The following ITGA1 variants were observed in gnomAD, a reference collection of about 807,000 sequenced individuals.
The protein encoded by ITGA1 is integrin alpha-1.
A neutral mutation model predicts 145.9 loss-of-function variants in ITGA1; 85 were observed. The observed-to-expected ratio is 0.58, with a 90% confidence interval of 0.49 to 0.70. The LOEUF is 0.70. Among genes scored for constraint, ITGA1 ranks in the 30% least tolerant of loss-of-function variants. ITGA1 has a pLI of 0.00. For synonymous variants in ITGA1, 520 were observed against 495.3 expected, an observed-to-expected ratio of 1.05 and a Z score of -0.66; for missense variants, 1,351 against 1,418.7, an observed-to-expected ratio of 0.95 and a Z score of 0.77.
chr5:52,881,564 G>A (rs542592702), intron 6 of ITGA1, among the ~76,000 whole-genome samples: 2 of 152,302 alleles, frequency 1.3e-5, no homozygotes, highest in Middle Eastern at 3.4e-3. Context: ...GCTCCATGAA[G>A]GCAGAGACCA....
chr5:52,951,100 C>T (rs1226829455), intron 28 of ITGA1, among the ~76,000 whole-genome samples: 1 of 152,072 alleles, frequency 6.6e-6, no homozygotes, highest in Non-Finnish European at 1.5e-5. Flanking sequence ...ATTTTCCAAC[C>T]TAAAAGTGCA....
rs559797960 is a variant in ITGA1, at chr5:52,828,449, G to A, written c.62-20916G>A. ...TATTATGTGCTTATTGGCCATTTGT[G>A]TAACTTATTTGGAGAAATCTCTATT... On this transcript the variant is annotated intron_variant, in intron 1 of 28. Coordinates refer to ENST00000282588, the MANE Select transcript of ITGA1 (RefSeq NM_181501.2). Among the ~76,000 whole-genome samples the A allele has an allele frequency of 1.1e-4, 17 of 152,134 alleles. No individual in the cohort carries two copies. In the Middle Eastern group the frequency reaches 0.017, roughly 152 times the overall value.
chr5:52,842,218 A>G (rs539127984), intron 1 of ITGA1, among the ~76,000 whole-genome samples: 6 of 152,298 alleles, frequency 3.9e-5, no homozygotes, highest in African/African-American at 1.2e-4. Flanking sequence ...AGCAACTGAG[A>G]TGAGAATCCA....
intron 1 of ITGA1, among the ~76,000 whole-genome samples, chr5:52,804,855 C>A (rs1023834926): frequency 2.0e-5 from 3 of 152,112 alleles, no homozygotes; most frequent in Non-Finnish European, 2.9e-5. Flanking sequence ...TGAAGAGTTT[C>A]TAAAGTGATT....
rs181108066 is a variant in ITGA1, at chr5:52,897,274, T to A, written c.1091-181T>A. Among the ~76,000 whole-genome samples the A allele has an allele frequency of 4.9e-3, 744 of 152,262 alleles. 8 individuals are homozygous for A. Among genetic ancestry groups the A allele is most frequent in the African/African-American group, 0.017 (694 of 41,550 alleles). ...TGAGCCCTTTGACTATTTTTCTCTG[T>A]CTTCTACCCAGGCCTACCTAGAAAT... On this transcript the variant is annotated intron_variant, in intron 9 of 28. Coordinates refer to ENST00000282588, the MANE Select transcript of ITGA1 (RefSeq NM_181501.2).
In ITGA1 at chr5:52,935,957, CTTTTTTTTTTTTTTTTTTTTT is replaced by C. The variant is rs763649629; in HGVS notation, c.2965-1428_2965-1408del. ...ATGGTAATTACAGAACACAGGATTT[CTTTTTTTTTTTTTTTTTTTTT>C]TTTTTTTTTTTTTTTGAGACGGAGT... On this transcript the variant is annotated intron_variant, in intron 23 of 28. Transcript: ENST00000282588. 7.3e-4 allele frequency among the ~76,000 whole-genome samples: 7 copies of C among 9,548 alleles called. 3 individuals carry two copies. Among genetic ancestry groups the C allele is most frequent in the Non-Finnish European group, 1.3e-3 (7 of 5,492 alleles). 6.3% of individuals were successfully genotyped at this position (9,548 alleles called of 152,430 possible).
intron 3 of ITGA1, among the ~76,000 whole-genome samples, chr5:52,864,191 A>G (rs1186098261): frequency 1.3e-5 from 2 of 152,142 alleles, no homozygotes; most frequent in Admixed American, 1.3e-4. Context: ...TCAGGACCCA[A>G]CATTCCCTTC....
chr5:52,932,963 C>T (rs1750913698), intron 22 of ITGA1: 1 of 150,138 alleles, frequency 6.7e-6, no homozygotes, highest in Non-Finnish European at 1.5e-5. Context: ...TAGTTTAAAC[C>T]ATTTCACATG....
chr5:52,809,029 A>T (rs10512998), intron 1 of ITGA1, among the ~76,000 whole-genome samples: 39,133 of 152,022 alleles, frequency 0.26, 5,370 homozygotes, highest in Non-Finnish European at 0.3. Context: ...TCAAATTATC[A>T]TCTTGTGGCA....
At chr5:52,856,996 T>C (rs187481326) in intron 2 of ITGA1, among the ~76,000 whole-genome samples, 1 of 152,300 alleles carries the variant, frequency 6.6e-6, no homozygotes, top group Non-Finnish European at 1.5e-5. Context: ...TAAGCAACAC[T>C]GGGCTTCTTC....
chr5:52,858,302 A>G lies in ITGA1; in HGVS notation c.183-3145A>G, dbSNP rs990479114. Reference sequence around the variant, plus strand: ...AACATTCATGATCTGGACTCTTTTTACCTCTCTAGCCTCAACTTCTACTGC... The same window carrying G: ...AACATTCATGATCTGGACTCTTTTTGCCTCTCTAGCCTCAACTTCTACTGC... On this transcript the variant is annotated intron_variant, in intron 2 of 28. Coordinates refer to ENST00000282588, the MANE Select transcript of ITGA1 (RefSeq NM_181501.2). 2.6e-5 allele frequency among the ~76,000 whole-genome samples: 4 copies of G among 152,298 alleles called. No individual in the cohort carries two copies. In the South Asian group the frequency reaches 8.3e-4, roughly 32 times the overall value.
intron 1 of ITGA1, among the ~76,000 whole-genome samples, chr5:52,821,929 T>G (rs1246073808): frequency 6.6e-6 from 1 of 152,240 alleles, no homozygotes; most frequent in Non-Finnish European, 1.5e-5. Context: ...ATAAGCTGTA[T>G]GATTTTTATG....
chr5:52,830,802 G>T (rs746170732), intron 1 of ITGA1, among the ~76,000 whole-genome samples: 1 of 152,110 alleles, frequency 6.6e-6, no homozygotes, highest in Non-Finnish European at 1.5e-5. Context: ...CCATCTATAC[G>T]CCAGGCAGGG....
At position 52,889,247 on chromosome 5, in the gene ITGA1, G is replaced by A. The variant is rs140338027; in HGVS notation, c.924+1282G>A. Among the ~76,000 whole-genome samples the A allele has an allele frequency of 9.5e-3, 1,439 of 152,058 alleles. 22 individuals are homozygous for A. The highest frequency in any genetic ancestry group is 0.049 in the East Asian group (254 of 5,146). ...CTCCCAAGTAGCTGGGACCACAGGC[G>A]CACACCACCACACTTGGCTAATTTT... is the stretch of plus-strand genomic sequence containing the variant. On this transcript the variant is annotated intron_variant, in intron 8 of 28. Coordinates refer to ENST00000282588, the MANE Select transcript of ITGA1 (RefSeq NM_181501.2).
chr5:52,828,941 T>C (rs1749012251), intron 1 of ITGA1, among the ~76,000 whole-genome samples: 2 of 152,172 alleles, frequency 1.3e-5, no homozygotes, highest in Non-Finnish European at 2.9e-5. Flanking sequence ...TTCTCCCTCA[T>C]GTTTCTGTTT....
intron 15 of ITGA1, among the ~76,000 whole-genome samples, chr5:52,916,968 G>T (rs1272556625): frequency 6.6e-6 from 1 of 152,196 alleles, no homozygotes; most frequent in African/African-American, 2.4e-5. Context: ...GGCCCAAAAT[G>T]ATAGTCATTT....
In ITGA1 at chr5:52,907,938, C is replaced by G. The variant is rs566228948; in HGVS notation, c.1456-960C>G. On this transcript the variant is annotated intron_variant, in intron 12 of 28. Coordinates refer to ENST00000282588, the MANE Select transcript of ITGA1 (RefSeq NM_181501.2). The stretch of plus-strand genomic sequence containing the variant: ...CATTCAAAAGTCAGTGTCTTTTGCC[C>G]ACATGCCTAGAAGCAATGTCTAGGA... Among the ~76,000 whole-genome samples the G allele has an allele frequency of 4.6e-5, 7 of 152,280 alleles. No individual in the cohort carries two copies. The South Asian group carries it at 1.2e-3, about 27-fold the overall frequency.
At chr5:52,942,882 T>C (rs912782261) in intron 26 of ITGA1, among the ~76,000 whole-genome samples, 1 of 152,096 alleles carries the variant, frequency 6.6e-6, no homozygotes, top group African/African-American at 2.4e-5. Context: ...TGAACATTAT[T>C]GGTGTATAGA....
At chr5:52,921,497 C>T (rs1750729376) in intron 17 of ITGA1, among the ~76,000 whole-genome samples, 2 of 152,004 alleles carry the variant, frequency 1.3e-5, no homozygotes, top group Admixed American at 1.3e-4. Context: ...GGTAAAATAA[C>T]ACTGGAGTTG....
Sources: allele counts gnomAD v4.1 joint callset (sites outside exome capture counted in the v4.1 genomes callset), GRCh38; gene constraint gnomAD v4.1.1; transcripts MANE v1.5; gene names NCBI Gene and HGNC (gene_info 2026-07-23, HGNC 2026-07-21).